The following ZNF638 variants were observed in gnomAD, a reference collection of about 807,000 sequenced individuals.
ZNF638 encodes the protein zinc finger protein 638.
Under a neutral mutation model 195.6 loss-of-function variants are expected in ZNF638, and 46 were observed. The observed-to-expected ratio is 0.24, with a 90% CI of 0.19 to 0.30. ZNF638 has a LOEUF of 0.30. Ranked by LOEUF, ZNF638 falls within the 10% of genes least tolerant of loss-of-function variation. ZNF638 has a pLI of 1.00. For synonymous variants in ZNF638, 845 were observed against 772.0 expected, an observed-to-expected ratio of 1.09 and a Z score of -1.57; for missense variants, 2,440 against 2,325.3, an observed-to-expected ratio of 1.05 and a Z score of -1.01.
chr2:71,383,123 G>A (rs1409158300), intron 10 of ZNF638, among the ~76,000 whole-genome samples: 2 of 152,158 alleles, frequency 1.3e-5, no homozygotes. Context: ...AGGAGTTCAA[G>A]ACCAGCCTGG....
intron 8 of ZNF638, among the ~76,000 whole-genome samples, chr2:71,378,889 G>A (rs1322674337): frequency 2.6e-5 from 4 of 152,166 alleles, no homozygotes; most frequent in Non-Finnish European, 5.9e-5. Context: ...AGGATGCTTG[G>A]GGATGGAGTG....
intron 3 of ZNF638, among the ~76,000 whole-genome samples, chr2:71,357,092 A>G (rs76418445): frequency 0.058 from 8,871 of 152,100 alleles, 989 homozygotes; most frequent in East Asian, 0.56. Context: ...CCCTCACTCT[A>G]TGACACAGCC....
chr2:71,395,560 C>T, intron 10 of ZNF638: 1 of 605,564 alleles, frequency 1.7e-6, no homozygotes, highest in South Asian at 1.8e-5. Context: ...CTTTTGCAGA[C>T]CTTTGATCAT....
intron 20 of ZNF638, 54 bp downstream of exon 20, chr2:71,408,301 A>G (rs147820435): frequency 0.011 from 17,492 of 1,577,338 alleles, 114 homozygotes; most frequent in South Asian, 0.014. Context: ...AGAGAACATA[A>G]AGGTCATTCT....
chr2:71,370,362 A>G (rs114239462), intron 8 of ZNF638, among the ~76,000 whole-genome samples: 2,099 of 152,282 alleles, frequency 0.014, 25 homozygotes, highest in Middle Eastern at 0.024. Context: ...AGTAAACACT[A>G]ACTTGATTTC....
intron 21 of ZNF638, among the ~76,000 whole-genome samples, chr2:71,419,509 C>T (rs1238317360): frequency 6.6e-6 from 1 of 152,108 alleles, no homozygotes; most frequent in African/African-American, 2.4e-5. Context: ...TTTATAAAAT[C>T]AGATTATTTT....
chr2:71,408,311 T>G, intron 20 of ZNF638, 64 bp downstream of exon 20: 1 of 1,542,556 alleles, frequency 6.5e-7, no homozygotes, highest in Non-Finnish European at 8.7e-7. Context: ...AAGGTCATTC[T>G]CAGGTAGTAG....
chr2:71,365,039 A>T (rs1213760621), intron 5 of ZNF638, among the ~76,000 whole-genome samples: 1 of 152,212 alleles, frequency 6.6e-6, no homozygotes, highest in Admixed American at 6.5e-5. Context: ...TGGTTTTTAT[A>T]AAAATATTTA....
At chr2:71,369,648 G>A (rs1257618093) in intron 7 of ZNF638, among the ~76,000 whole-genome samples, 1 of 152,028 alleles carries the variant, frequency 6.6e-6, no homozygotes, top group Non-Finnish European at 1.5e-5. Flanking sequence ...AGCCTGCCTG[G>A]ATTTTTTTTT....
At chr2:71,400,339 C>T in intron 14 of ZNF638, 139 bp from the exon 15 acceptor site, 1 of 1,050,096 alleles carries the variant, frequency 9.5e-7, no homozygotes, top group Non-Finnish European at 1.4e-6. Context: ...GCCAATGTCA[C>T]TTTTGTAGTC....
intron 8 of ZNF638, among the ~76,000 whole-genome samples, chr2:71,370,898 C>G (rs1156804361): frequency 6.6e-6 from 1 of 152,056 alleles, no homozygotes; most frequent in Non-Finnish European, 1.5e-5. Flanking sequence ...TATAGTCACT[C>G]TGTTGCGCTA....
At chr2:71,417,068 C>T (rs893895347) in intron 20 of ZNF638, among the ~76,000 whole-genome samples, 1 of 124,012 alleles carries the variant, frequency 8.1e-6, no homozygotes, top group African/African-American at 3.1e-5. Flanking sequence ...GGGCGCCCCT[C>T]CCCCAGCCTC....
At chr2:71,345,958 A>G (rs1036035334) in intron 1 of ZNF638, among the ~76,000 whole-genome samples, 3 of 152,242 alleles carry the variant, frequency 2.0e-5, no homozygotes, top group Non-Finnish European at 2.9e-5. Context: ...TGTCAGGGGC[A>G]GTTGTCTTAA....
At chr2:71,358,297 T>C (rs1424248469) in intron 3 of ZNF638, among the ~76,000 whole-genome samples, 1 of 152,232 alleles carries the variant, frequency 6.6e-6, no homozygotes, top group East Asian at 1.9e-4. Context: ...TCGGGTAACA[T>C]TCACAAGTTC....
rs184235629 is a variant in ZNF638 at position 71,396,365 on chromosome 2, G to T, written c.2428+174G>T. ...TGAGAAATGATATGTACTAGATAAT[G>T]CTTCTATAGTAATTATTGAAATAAT... is the stretch of plus-strand genomic sequence containing the variant. On this transcript the variant is annotated intron_variant, in intron 11 of 27. Transcript: ENST00000264447. Among the ~76,000 whole-genome samples, 632 of 152,148 alleles carry T rather than the reference G, an allele frequency of 4.2e-3. 3 individuals carry two copies. The highest frequency in any genetic ancestry group is 0.015 in the African/African-American group (605 of 41,516).
intron 10 of ZNF638, among the ~76,000 whole-genome samples, chr2:71,382,242 G>C (rs560980222): frequency 2.0e-5 from 3 of 152,232 alleles, no homozygotes; most frequent in Non-Finnish European, 4.4e-5. Context: ...GCTGTCACGA[G>C]TATCTGCTAG....
chr2:71,365,554 G>A lies in ZNF638; in HGVS notation c.1843G>A (p.Gly615Arg). The stretch of plus-strand genomic sequence containing the variant: ...AGCACAAAAGCCTAAAACTAGCAGT[G>A]GAACAAAACCATCAGTTAAACCTAC... ...SPAQKPKTSS[G>R]TKPSVKPTSA... The change falls in exon 6 of 28, where the codon GGA becomes AGA. Residue 615 changes from glycine (G) to arginine (R), a missense_variant. By Grantham distance (125) the Gly-to-Arg change is moderately radical. Around this residue, in one of 5 missense-constraint regions of ZNF638, gnomAD observed 1,883 missense variants for 1,739.1 expected, o/e 1.08. Coordinates refer to ENST00000264447, the MANE Select transcript of ZNF638 (RefSeq NM_014497.5). 1.2e-6 allele frequency: 2 copies of A among 1,614,064 alleles called. No individual in the cohort carries two copies. Among genetic ancestry groups the A allele is most frequent in the Non-Finnish European group, 1.7e-6 (2 of 1,180,004 alleles).
At position 71,349,764 on chromosome 2, in the gene ZNF638, C is replaced by G. The variant is rs748931583; in HGVS notation, c.810C>G (p.Arg270=). Reference sequence around the variant, plus strand: ...TGTTTCCTGTTGAAGACGTATTTCGCCAAATGGACTTCCCCGGTGAGTCCT... The same window carrying G: ...TGTTTCCTGTTGAAGACGTATTTCGGCAAATGGACTTCCCCGGTGAGTCCT... ...NSMFPVEDVF[R]QMDFPGESSN... Residue 270 remains arginine, a synonymous_variant, in exon 2 of 28, where the codon CGC becomes CGG. Coordinates refer to ENST00000264447, the MANE Select transcript of ZNF638 (RefSeq NM_014497.5). 6.2e-7 allele frequency: 1 copy of G among 1,614,158 alleles called. No homozygotes were observed. The highest frequency in any genetic ancestry group is 8.5e-7 in the Non-Finnish European group (1 of 1,180,032).
At chr2:71,372,813 A>G (rs765854851) in intron 8 of ZNF638, among the ~76,000 whole-genome samples, 13 of 152,234 alleles carry the variant, frequency 8.5e-5, no homozygotes, top group Non-Finnish European at 1.8e-4. Flanking sequence ...ACATTTCTCA[A>G]TAATTTGATT....
Sources: allele counts gnomAD v4.1 joint callset (sites outside exome capture counted in the v4.1 genomes callset), GRCh38; gene constraint gnomAD v4.1.1; regional missense constraint gnomAD v4.1.1; transcripts MANE v1.5; gene names NCBI Gene and HGNC (gene_info 2026-07-23, HGNC 2026-07-21).